Variants in SMAD6 observed in about 807,000 individuals in gnomAD.
SMAD6 encodes the protein MAD homolog 6.
Under a neutral mutation model 39.4 loss-of-function variants are expected in SMAD6, and 103 were observed. The ratio of observed to expected loss-of-function variants is 2.62; its 90% CI spans 2.23 to 3.08. SMAD6 has a LOEUF of 3.08. SMAD6 is among the 30% of genes most tolerant of loss of function. The pLI is 0.00. For missense variants in SMAD6, 1,104 were observed against 742.9 expected (o/e 1.49, Z -5.65); for synonymous variants, 445 against 353.3 (o/e 1.26, Z -2.91).
At chr15:66,708,688 A>C (rs981420668) in intron 1 of SMAD6, 8 of 470,570 alleles carry the variant, frequency 1.7e-5, no homozygotes, top group Non-Finnish European at 3.1e-5. Flanking sequence ...AAAAGGCCAT[A>C]TATTGTATGA....
In SMAD6 at chr15:66,733,721, C is replaced by A. The variant is rs534558933; in HGVS notation, c.952+17223C>A. Among the ~76,000 whole-genome samples the A allele has an allele frequency of 5.1e-3, 774 of 152,272 alleles. 7 individuals are homozygous for A. The highest frequency in any genetic ancestry group is 0.018 in the African/African-American group (743 of 41,554). ...TGTAAAGTGAAGAATTTATTTATTT[C>A]TTCTGGATTCCCAGAAACAAATGTG... On this transcript the variant is annotated intron_variant, in intron 3 of 3. Transcript: ENST00000288840.
intron 3 of SMAD6, among the ~76,000 whole-genome samples, chr15:66,778,674 A>C (rs1314200064): frequency 6.6e-6 from 1 of 152,206 alleles, no homozygotes; most frequent in Non-Finnish European, 1.5e-5. Flanking sequence ...GGACTTGCTC[A>C]GTGTGCAGGT....
Position 66,715,761 on chromosome 15 carries a change from A to G in SMAD6, c.875-660A>G, listed in dbSNP as rs530860043. Among the ~76,000 whole-genome samples, 4 of 144,480 alleles carry G rather than the reference A, an allele frequency of 2.8e-5. No homozygotes were observed. In the South Asian group the frequency reaches 8.9e-4, roughly 32 times the overall value. 94.8% of individuals were successfully genotyped at this position (144,480 alleles called of 152,430 possible). ...ATGTACATATGAAGTACTTAAAACT[A>G]CTTAAAAAAAAAAAAAAAAAGAACG... On this transcript the variant is annotated intron_variant, in intron 2 of 3. Coordinates refer to ENST00000288840, the MANE Select transcript of SMAD6 (RefSeq NM_005585.5).
intron 3 of SMAD6, among the ~76,000 whole-genome samples, chr15:66,727,517 C>A (rs1041085617): frequency 7.9e-5 from 12 of 152,126 alleles, no homozygotes; most frequent in African/African-American, 2.9e-4. Context: ...AAAGGGCATC[C>A]CAGCTTAGGA....
At chr15:66,742,383 A>G (rs962067085) in intron 3 of SMAD6, among the ~76,000 whole-genome samples, 1 of 152,074 alleles carries the variant, frequency 6.6e-6, no homozygotes, top group Non-Finnish European at 1.5e-5. Context: ...TGAGGGTCAC[A>G]GTCTTAGGGC....
chr15:66,757,513 C>T (rs1451751019), intron 3 of SMAD6, among the ~76,000 whole-genome samples: 1 of 152,170 alleles, frequency 6.6e-6, no homozygotes, highest in Non-Finnish European at 1.5e-5. Context: ...TGAACCCAGG[C>T]TCACTCCTGA....
At chr15:66,724,334 C>T (rs1893485197) in intron 3 of SMAD6, among the ~76,000 whole-genome samples, 4 of 150,988 alleles carry the variant, frequency 2.6e-5, no homozygotes, top group African/African-American at 9.8e-5. Flanking sequence ...GAATTTTTGC[C>T]TGGGGTAAAG....
intron 3 of SMAD6, among the ~76,000 whole-genome samples, chr15:66,758,859 A>G (rs1462233555): frequency 3.9e-5 from 6 of 152,258 alleles, no homozygotes; most frequent in Non-Finnish European, 7.3e-5. Flanking sequence ...GGGAAAAGAC[A>G]TAGAAGTCAA....
intron 3 of SMAD6, among the ~76,000 whole-genome samples, chr15:66,741,813 A>G (rs529735788): frequency 6.6e-6 from 1 of 152,140 alleles, no homozygotes; most frequent in Non-Finnish European, 1.5e-5. Context: ...AGAGATTCCA[A>G]TTGCTGCCGG....
intron 3 of SMAD6, among the ~76,000 whole-genome samples, chr15:66,766,629 T>A (rs1894293315): frequency 6.6e-6 from 1 of 152,134 alleles, no homozygotes; most frequent in South Asian, 2.1e-4. Context: ...TCTCTGCCAA[T>A]GTTTGCTGGG....
At chr15:66,761,920 G>T (rs568789846) in intron 3 of SMAD6, among the ~76,000 whole-genome samples, 8 of 152,174 alleles carry the variant, frequency 5.3e-5, no homozygotes, top group Admixed American at 4.6e-4. Flanking sequence ...GGCCCACTGG[G>T]GTGGTGTGTG....
At chr15:66,780,964 A>T (rs767850188) in intron 3 of SMAD6, 33 bp from the exon 4 acceptor site, 1 of 1,517,298 alleles carries the variant, frequency 6.6e-7, no homozygotes, top group Non-Finnish European at 8.8e-7. Flanking sequence ...CCCCACCCAG[A>T]ATAACGCGGC....
intron 3 of SMAD6, among the ~76,000 whole-genome samples, chr15:66,742,603 C>A (rs77498894): frequency 6.6e-6 from 1 of 152,050 alleles, no homozygotes; most frequent in South Asian, 2.1e-4. Context: ...CCCTCTGGAC[C>A]GTAATTGGTC....
chr15:66,767,950 A>G (rs1260447790), intron 3 of SMAD6, among the ~76,000 whole-genome samples: 1 of 142,142 alleles, frequency 7.0e-6, no homozygotes, highest in Admixed American at 7.0e-5. Flanking sequence ...TGATTATCCC[A>G]AGCTGCATCT....
chr15:66,762,131 C>T (rs886973473), intron 3 of SMAD6, among the ~76,000 whole-genome samples: 3 of 152,196 alleles, frequency 2.0e-5, no homozygotes, highest in Non-Finnish European at 2.9e-5. Context: ...AAAAATAATG[C>T]GTGTATAGCC....
At position 66,747,035 on chromosome 15, in the gene SMAD6, A is replaced by G. The variant is rs1893920605; in HGVS notation, c.952+30537A>G. On this transcript the variant is annotated intron_variant, in intron 3 of 3. Transcript: ENST00000288840. The surrounding 1 kb of genome is among the most constrained non-coding windows in gnomAD (Gnocchi z 4.5). Reference sequence around the variant, plus strand: ...GATATTGTGCTTTTGGACATTTAGTATGTCAGTTCTTGCTAGAATAGCACT... The same window carrying G: ...GATATTGTGCTTTTGGACATTTAGTGTGTCAGTTCTTGCTAGAATAGCACT... Among the ~76,000 whole-genome samples the G allele has an allele frequency of 6.6e-6, 1 of 152,254 alleles. No individual in the cohort carries two copies.
In SMAD6 at chr15:66,781,459, G is replaced by T. The variant is rs1371196288; in HGVS notation, c.1415G>T (p.Trp472Leu). The stretch of plus-strand genomic sequence containing the variant: ...GTCCGCATCAGCTTCGCCAAGGGCT[G>T]GGGGCCCTGCTACTCCCGGCAGTTC... ...NSVRISFAKGWGPCYSRQFIT... is the reference protein window; with the variant it reads ...NSVRISFAKGLGPCYSRQFIT... The change falls in exon 4 of 4, where the codon TGG (tryptophan) becomes TTG (leucine). Residue 472 changes from tryptophan to leucine, a missense_variant. Trp to Leu is a moderately conservative substitution (Grantham distance 61, BLOSUM62 -2). Transcript: ENST00000288840. 2 of 1,603,802 alleles carry T rather than the reference G, an allele frequency of 1.2e-6. No homozygotes were observed. The highest frequency in any genetic ancestry group is 1.7e-5 in the Admixed American group (1 of 59,614).
At chr15:66,716,291 G>T in intron 2 of SMAD6, 130 bp from the exon 3 acceptor site, 1 of 690,660 alleles carries the variant, frequency 1.4e-6, no homozygotes. Flanking sequence ...AGAAAGTTGG[G>T]AGGGACATGC....
chr15:66,710,903 G>GA, intron 1 of SMAD6, among the ~76,000 whole-genome samples: 1 of 152,218 alleles, frequency 6.6e-6, no homozygotes, highest in Non-Finnish European at 1.5e-5. Flanking sequence ...AGCTGGAAGT[G>GA]ACTGGCTTAA....
Sources: allele counts gnomAD v4.1 joint callset (sites outside exome capture counted in the v4.1 genomes callset), GRCh38; gene constraint gnomAD v4.1.1; non-coding constraint Gnocchi (gnomAD v3.1); transcripts MANE v1.5; gene names NCBI Gene and HGNC (gene_info 2026-07-23, HGNC 2026-07-21).